Variants in DLGAP2 observed in about 807,000 individuals in gnomAD.
DLGAP2 encodes the protein disks large-associated protein 2.
Under a neutral mutation model 100.3 loss-of-function variants are expected in DLGAP2, and 26 were observed. That is an observed-to-expected ratio of 0.26 (90% CI 0.19 to 0.36). The LOEUF (loss-of-function observed/expected upper bound fraction) is 0.36. DLGAP2 is among the 10% of genes least tolerant of loss of function. DLGAP2 has a pLI of 1.00. For synonymous variants in DLGAP2, 886 were observed against 630.1 expected (o/e 1.41, Z -6.08); for missense variants, 1,858 against 1,453.2 (o/e 1.28, Z -4.53).
At chr8:932,337 A>G (rs1275752539) in intron 2 of DLGAP2, among the ~76,000 whole-genome samples, 1 of 152,234 alleles carries the variant, frequency 6.6e-6, no homozygotes, top group Non-Finnish European at 1.5e-5. Context: ...AGGGACTCTC[A>G]TGATCCGGTT....
intron 3 of DLGAP2, among the ~76,000 whole-genome samples, chr8:1,306,379 C>G (rs1355373852): frequency 6.6e-6 from 1 of 151,906 alleles, no homozygotes; most frequent in Non-Finnish European, 1.5e-5. Context: ...ATAAGCTTAA[C>G]CAAGGAGGAG....
chr8:1,009,394 AT>A (rs1394994640), intron 2 of DLGAP2, among the ~76,000 whole-genome samples: 1 of 152,218 alleles, frequency 6.6e-6, no homozygotes, highest in Non-Finnish European at 1.5e-5. Flanking sequence ...CACATAATAG[AT>A]TTTTGGAAGG....
intron 3 of DLGAP2, among the ~76,000 whole-genome samples, chr8:1,372,499 G>T (rs1370502478): frequency 6.6e-6 from 1 of 152,112 alleles, no homozygotes; most frequent in African/African-American, 2.4e-5. Flanking sequence ...CCTGACGTCC[G>T]GGCTGCATAA....
intron 2 of DLGAP2, among the ~76,000 whole-genome samples, chr8:1,092,617 C>A (rs375712088): frequency 1.3e-5 from 2 of 152,198 alleles, no homozygotes; most frequent in East Asian, 1.9e-4. Context: ...AGGGACAGAG[C>A]CTTCAAGGCT....
intron 3 of DLGAP2, among the ~76,000 whole-genome samples, chr8:1,420,374 T>C (rs1024247559): frequency 1.3e-5 from 2 of 152,194 alleles, no homozygotes; most frequent in African/African-American, 4.8e-5. Context: ...TAAATACACG[T>C]AAATGAAGCC....
intron 1 of DLGAP2, among the ~76,000 whole-genome samples, chr8:886,128 T>C (rs899666931): frequency 5.9e-5 from 9 of 152,164 alleles, no homozygotes; most frequent in African/African-American, 2.2e-4. Context: ...TTAGTCTTGG[T>C]AGGGTATATG....
At chr8:1,361,598 T>C (rs1017034012) in intron 3 of DLGAP2, among the ~76,000 whole-genome samples, 2 of 152,372 alleles carry the variant, frequency 1.3e-5, no homozygotes, top group South Asian at 2.1e-4. Flanking sequence ...CTGAGCTTGA[T>C]ACATTCTTAA....
chr8:1,701,452 C>T lies in DLGAP2; in HGVS notation c.*46C>T, dbSNP rs1419878271. The T allele has an allele frequency of 3.9e-6, 6 of 1,533,210 alleles. No homozygotes were observed. The highest frequency in any genetic ancestry group is 2.4e-5 in the East Asian group (1 of 41,028). 95.0% of individuals were successfully genotyped at this position (1,533,210 alleles called of 1,614,324 possible). A position where few individuals can be genotyped will look rare whatever the true frequency, so the allele number is the denominator to read the frequency against. The stretch of plus-strand genomic sequence containing the variant: ...CCCTCGTCGCTTCCGCTTTCCCGGA[C>T]GCTTGTGCAGCGCGGCGCCGCCCTG... On this transcript the variant is annotated 3_prime_UTR_variant, in exon 15 of 15. Transcript: ENST00000637795.
At chr8:1,123,411 A>G (rs1255441419) in intron 2 of DLGAP2, among the ~76,000 whole-genome samples, 1 of 152,224 alleles carries the variant, frequency 6.6e-6, no homozygotes, top group African/African-American at 2.4e-5. Flanking sequence ...AGAATGAGAC[A>G]CCAGGACCTA....
At chr8:1,678,122 C>T in intron 11 of DLGAP2, 92 bp from the exon 12 acceptor site, 1 of 1,444,348 alleles carries the variant, frequency 6.9e-7, no homozygotes, top group Non-Finnish European at 9.3e-7. Flanking sequence ...CTGTTGAGCT[C>T]AGGTGCGCTC....
chr8:1,605,937 G>A (rs551941586), intron 6 of DLGAP2, among the ~76,000 whole-genome samples: 5 of 152,376 alleles, frequency 3.3e-5, no homozygotes, highest in Admixed American at 6.5e-5. Flanking sequence ...GCTGTAGAAC[G>A]TGTCACCTCT....
chr8:785,279 C>T (rs918024653), intron 1 of DLGAP2, among the ~76,000 whole-genome samples: 2 of 147,098 alleles, frequency 1.4e-5, no homozygotes, highest in Non-Finnish European at 3.0e-5. Context: ...TCAGATGCGC[C>T]GGATCCTGCC....
intron 4 of DLGAP2, among the ~76,000 whole-genome samples, chr8:1,537,050 A>G (rs1422071815): frequency 6.7e-6 from 1 of 150,090 alleles, no homozygotes; most frequent in South Asian, 2.2e-4. Context: ...AAGTCTCCCA[A>G]GGCAGCACCA....
intron 1 of DLGAP2, 53 bp downstream of exon 1, chr8:737,878 C>A (rs1820359384): frequency 5.4e-6 from 2 of 371,946 alleles, no homozygotes; most frequent in Non-Finnish European, 9.6e-6. Flanking sequence ...CGAGAGCCGT[C>A]GAGGCGGGGA....
chr8:1,314,616 C>T (rs1428939220), intron 3 of DLGAP2, among the ~76,000 whole-genome samples: 1 of 152,184 alleles, frequency 6.6e-6, no homozygotes, highest in African/African-American at 2.4e-5. Context: ...GATTGAGGGT[C>T]TCATTGGAGA....
chr8:1,636,039 A>T (rs1268288796), intron 8 of DLGAP2, among the ~76,000 whole-genome samples: 1 of 152,216 alleles, frequency 6.6e-6, no homozygotes, highest in Non-Finnish European at 1.5e-5. Context: ...TTCTCTCATT[A>T]TGAAAAACAC....
intron 3 of DLGAP2, chr8:1,302,201 A>C (rs62483945): frequency 0.13 from 13,033 of 100,422 alleles, 694 homozygotes; most frequent in Middle Eastern, 0.28. Context: ...CCGGACTCGG[A>C]ATTTTCTGTG....
rs1031073803 is a variant in DLGAP2 at position 786,088 on chromosome 8, C to A, written c.18+48263C>A. On this transcript the variant is annotated intron_variant, in intron 1 of 14. Coordinates refer to ENST00000637795, the MANE Select transcript of DLGAP2 (RefSeq NM_001346810.2). Reference sequence around the variant, plus strand: ...CTGCCCGCCGCCTCCGTAACCGGGACCAAAGCCCCTTTGCGAAACACCCAT... The same window carrying A: ...CTGCCCGCCGCCTCCGTAACCGGGAACAAAGCCCCTTTGCGAAACACCCAT... Among the ~76,000 whole-genome samples, 97 of 152,330 alleles carry A rather than the reference C, an allele frequency of 6.4e-4. 1 individual carries two copies. Among genetic ancestry groups the A allele is most frequent in the Non-Finnish European group, 6.2e-4 (42 of 68,028 alleles).
intron 2 of DLGAP2, among the ~76,000 whole-genome samples, chr8:972,494 A>G (rs1271824329): frequency 2.6e-5 from 4 of 152,250 alleles, no homozygotes; most frequent in African/African-American, 7.2e-5. Context: ...TGTGACAGAA[A>G]TGACAAATGC....
Sources: gnomAD v4.1 joint callset for allele counts (sites outside exome capture counted in the v4.1 genomes callset) on GRCh38, gnomAD v4.1.1 for gene constraint, MANE v1.5 for transcripts, NCBI Gene and HGNC (gene_info 2026-07-23, HGNC 2026-07-21) for gene names.